PLA2R1: variants seen among roughly 807,000 people sequenced by gnomAD.
PLA2R1 encodes phospholipase A2 receptor 1, also known as secretory phospholipase A2 receptor.
PLA2R1 carries 158 observed loss-of-function variants against 195.9 expected under a neutral mutation model. The ratio of observed to expected loss-of-function variants is 0.81; its 90% CI spans 0.71 to 0.92. The LOEUF (loss-of-function observed/expected upper bound fraction) is 0.92. PLA2R1 is among the 40% of genes least tolerant of loss of function. The pLI, the probability that PLA2R1 is intolerant of heterozygous loss-of-function variation, is 0.00. For missense variants in PLA2R1, 1,626 were observed against 1,764.6 expected, an observed-to-expected ratio of 0.92 and a Z score of 1.41; for synonymous variants, 586 against 598.2, an observed-to-expected ratio of 0.98 and a Z score of 0.30.
chr2:160,058,749 C>T lies in PLA2R1; in HGVS notation c.109+3546G>A, dbSNP rs542879541. 2.0e-5 allele frequency among the ~76,000 whole-genome samples: 3 copies of T among 152,156 alleles called. No individual in the cohort carries two copies. The East Asian group carries it at 5.8e-4, about 29-fold the overall frequency. On this transcript the variant is annotated intron_variant, in intron 1 of 29. Coordinates refer to ENST00000283243, the MANE Select transcript of PLA2R1 (RefSeq NM_007366.5). Reference sequence around the variant, plus strand: ...AGGGAAAACAAACTAAAATCAGGCTCCTTGGAATAACCAGCTAGAGCAAAG... The same window carrying T: ...AGGGAAAACAAACTAAAATCAGGCTTCTTGGAATAACCAGCTAGAGCAAAG...
intron 1 of PLA2R1, among the ~76,000 whole-genome samples, chr2:160,047,937 C>A (rs1284377129): frequency 6.6e-6 from 1 of 152,192 alleles, no homozygotes; most frequent in Admixed American, 6.5e-5. Context: ...CTGATCCTCC[C>A]ATCTCAGCCT....
chr2:160,048,176 A>G (rs1412046010), intron 1 of PLA2R1, among the ~76,000 whole-genome samples: 1 of 152,216 alleles, frequency 6.6e-6, no homozygotes, highest in Non-Finnish European at 1.5e-5. Context: ...TTAAGAGAAA[A>G]AGAGTGGCAG....
intron 11 of PLA2R1, among the ~76,000 whole-genome samples, chr2:160,003,241 T>C (rs1691727281): frequency 6.6e-6 from 1 of 151,962 alleles, no homozygotes; most frequent in Non-Finnish European, 1.5e-5. Context: ...TATAAAAATA[T>C]AAGGTTATAT....
chr2:160,038,292 T>C (rs1346424591), intron 3 of PLA2R1, among the ~76,000 whole-genome samples: 1 of 152,232 alleles, frequency 6.6e-6, no homozygotes, highest in Non-Finnish European at 1.5e-5. Context: ...CCCAGGGGTG[T>C]GCACTGGAAT....
chr2:159,988,329 C>T (rs1469998545), intron 11 of PLA2R1, among the ~76,000 whole-genome samples: 1 of 151,944 alleles, frequency 6.6e-6, no homozygotes, highest in Non-Finnish European at 1.5e-5. Context: ...TGTACATCCG[C>T]AATGTGCTCA....
chr2:159,999,187 T>C (rs1691428689), intron 11 of PLA2R1, among the ~76,000 whole-genome samples: 1 of 152,140 alleles, frequency 6.6e-6, no homozygotes. Context: ...TCCCAGCCTC[T>C]AGAACTGTGA....
At chr2:159,991,376 A>G (rs936648476) in intron 11 of PLA2R1, among the ~76,000 whole-genome samples, 2 of 151,914 alleles carry the variant, frequency 1.3e-5, no homozygotes, top group African/African-American at 4.8e-5. Context: ...ATGAGCCTTA[A>G]AATGGATTGG....
intron 20 of PLA2R1, among the ~76,000 whole-genome samples, chr2:159,961,401 A>T (rs911698414): frequency 6.6e-6 from 1 of 152,210 alleles, no homozygotes; most frequent in Non-Finnish European, 1.5e-5. Context: ...GCTTTAAAAA[A>T]ATACGGATGC....
the PLA2R1 span, among the ~76,000 whole-genome samples, chr2:159,925,821 AGATGGGATT>A: frequency 5.3e-5 from 8 of 152,168 alleles, no homozygotes; most frequent in East Asian, 1.5e-3. Context: ...CCCCTTTCTT[AGATGGGATT>A]GGCATTTTTA....
At position 159,947,440 on chromosome 2, in the gene PLA2R1, G is replaced by T. The variant is rs1349987372; in HGVS notation, c.3829C>A (p.His1277Asn). 1 of 1,598,066 alleles carries T rather than the reference G, an allele frequency of 6.3e-7. No individual in the cohort carries two copies. Among genetic ancestry groups the T allele is most frequent in the Admixed American group, 1.8e-5 (1 of 55,996 alleles). The part of the protein sequence containing the change: ...VLDSMSFEAA[H>N]EFCKKEGSNL... ...TTACCTTCCTTTTTGCAAAATTCAT[G>T]AGCAGCCTCAAAACTCATACTGTCT... Residue 1277 changes from histidine to asparagine, a missense_variant, in exon 26 of 30, where the codon CAT (histidine) becomes AAT (asparagine). Physicochemically the swap from His to Asn is moderately conservative, Grantham distance 68. Coordinates refer to ENST00000283243, the MANE Select transcript of PLA2R1 (RefSeq NM_007366.5).
At chr2:160,028,129 T>A (rs1343324632) in intron 6 of PLA2R1, 89 bp downstream of exon 6, 1 of 832,526 alleles carries the variant, frequency 1.2e-6, no homozygotes, top group African/African-American at 1.7e-5. Flanking sequence ...GTTTACATTA[T>A]GAATTATTAG....
chr2:159,961,993 A>G (rs1036097624), intron 20 of PLA2R1, among the ~76,000 whole-genome samples: 40 of 152,262 alleles, frequency 2.6e-4, no homozygotes, highest in Non-Finnish European at 2.9e-5. Flanking sequence ...TCATGCCTAA[A>G]ACACCAAAAG....
chr2:160,016,263 C>CAAAAAAAAAAAAAAAAAAAAAA (rs11396932), intron 9 of PLA2R1, among the ~76,000 whole-genome samples: 1 of 103,158 alleles, frequency 9.7e-6, no homozygotes, highest in Non-Finnish European at 1.9e-5. Flanking sequence ...GACTCTGTCT[C>CAAAAAAAAAAAAAAAAAAAAAA]AAAAAAAAAA....
intron 16 of PLA2R1, 54 bp from the exon 17 acceptor site, chr2:159,976,279 T>C: frequency 7.7e-7 from 1 of 1,306,760 alleles, no homozygotes; most frequent in Non-Finnish European, 1.1e-6. Context: ...TATGCTAGGA[T>C]TGACCCCAAA....
In PLA2R1 at chr2:159,941,082, C is replaced by G. The variant is rs1226911001; in HGVS notation, c.*696G>C. On this transcript the variant is annotated 3_prime_UTR_variant, in exon 30 of 30. Coordinates refer to ENST00000283243, the MANE Select transcript of PLA2R1 (RefSeq NM_007366.5). ...TCATTTAGTAATTGAAAGTTTAAGGCCACATTTTAACTATATGGTTGTTTA... is the reference window on the plus strand; with the variant it reads ...TCATTTAGTAATTGAAAGTTTAAGGGCACATTTTAACTATATGGTTGTTTA... 1.3e-5 allele frequency: 2 copies of G among 152,080 alleles called. No individual in the cohort carries two copies. Among genetic ancestry groups the G allele is most frequent in the Non-Finnish European group, 2.9e-5 (2 of 68,010 alleles). 9.4% of individuals were successfully genotyped at this position (152,080 alleles called of 1,614,324 possible). A position where few individuals can be genotyped will look rare whatever the true frequency, so the allele number is the denominator to read the frequency against.
chr2:159,948,546 G>C (rs1456604963), intron 25 of PLA2R1, among the ~76,000 whole-genome samples: 1 of 149,096 alleles, frequency 6.7e-6, no homozygotes, highest in Non-Finnish European at 1.5e-5. Flanking sequence ...CTTACAAGTT[G>C]AGAAGTTTCA....
chr2:160,023,054 G>A (rs1693246489), intron 6 of PLA2R1, among the ~76,000 whole-genome samples, 195 bp from the exon 7 acceptor site: 1 of 152,130 alleles, frequency 6.6e-6, no homozygotes, highest in Non-Finnish European at 1.5e-5. Context: ...TTTAGATCTA[G>A]GATCAAATGA....
At chr2:160,010,550 T>C (rs1692292224) in intron 10 of PLA2R1, among the ~76,000 whole-genome samples, 1 of 152,172 alleles carries the variant, frequency 6.6e-6, no homozygotes, top group Admixed American at 6.5e-5. Flanking sequence ...GGAAAATCGA[T>C]TAGCAACTAC....
At chr2:159,983,554 G>T (rs1269005517) in intron 13 of PLA2R1, among the ~76,000 whole-genome samples, 1 of 151,750 alleles carries the variant, frequency 6.6e-6, no homozygotes, top group African/African-American at 2.4e-5. Context: ...AGGCGTGGAA[G>T]GAACTAGGAG....
Sources: gnomAD v4.1 joint callset for allele counts (sites outside exome capture counted in the v4.1 genomes callset) on GRCh38, gnomAD v4.1.1 for gene constraint, MANE v1.5 for transcripts, NCBI Gene and HGNC (gene_info 2026-07-23, HGNC 2026-07-21) for gene names.